Variants in ESRRG observed in about 807,000 individuals in gnomAD.
ESRRG encodes the protein estrogen related receptor gamma, also known as estrogen-related receptor gamma.
Under a neutral mutation model 44.0 loss-of-function variants are expected in ESRRG, and 13 were observed. The ratio of observed to expected loss-of-function variants is 0.30; its 90% CI spans 0.19 to 0.47. The LOEUF is 0.47. ESRRG is among the 20% of genes least tolerant of loss of function. The pLI, the probability that ESRRG is intolerant of heterozygous loss-of-function variation, is 1.00. For missense variants in ESRRG, 395 were observed against 580.6 expected, an observed-to-expected ratio of 0.68 and a Z score of 3.29; for synonymous variants, 215 against 214.6, an observed-to-expected ratio of 1.00 and a Z score of -0.02.
chr1:216,744,002 G>A (rs78672473), intron 2 of ESRRG, among the ~76,000 whole-genome samples: 2,051 of 152,194 alleles, frequency 0.013, 37 homozygotes, highest in African/African-American at 0.046. Context: ...CTCTGGACAC[G>A]GTGCCACATG....
intron 2 of ESRRG, among the ~76,000 whole-genome samples, chr1:216,760,620 A>G (rs2092717919): frequency 6.6e-6 from 1 of 151,972 alleles, no homozygotes; most frequent in Non-Finnish European, 1.5e-5. Context: ...AACATAAATT[A>G]AGTAATTTAA....
At chr1:216,528,927 A>G (rs6604629) in intron 5 of ESRRG, among the ~76,000 whole-genome samples, 56,907 of 151,896 alleles carry the variant, frequency 0.37, 10,996 homozygotes, top group African/African-American at 0.45. Flanking sequence ...TTGCAGCACC[A>G]AGGGAGTAAG....
At chr1:216,587,605 A>T (rs1029216998) in intron 3 of ESRRG, among the ~76,000 whole-genome samples, 4 of 152,232 alleles carry the variant, frequency 2.6e-5, no homozygotes, top group Non-Finnish European at 5.9e-5. Flanking sequence ...AATTGTTGTC[A>T]CAAGAGAAGA....
At chr1:217,073,197 C>CAAAAAAAAAAAA (rs34950214) in intron 1 of ESRRG, among the ~76,000 whole-genome samples, 3 of 75,986 alleles carry the variant, frequency 3.9e-5, no homozygotes, top group African/African-American at 1.6e-4. Flanking sequence ...CCTTTCTGGA[C>CAAAAAAAAAAAA]AAAAAAAAAA....
At chr1:216,625,103 G>A (rs1045523417) in intron 3 of ESRRG, among the ~76,000 whole-genome samples, 4 of 151,992 alleles carry the variant, frequency 2.6e-5, no homozygotes, top group Non-Finnish European at 4.4e-5. Flanking sequence ...CATCTTATAC[G>A]TGGGCCAATG....
intron 5 of ESRRG, among the ~76,000 whole-genome samples, chr1:216,538,867 G>T (rs12117030): frequency 0.2 from 30,150 of 151,950 alleles, 3,795 homozygotes; most frequent in Non-Finnish European, 0.27. Flanking sequence ...CTCAGGAAAT[G>T]ATTTTAGAAG....
chr1:216,944,756 C>T (rs1300714453), intron 1 of ESRRG, among the ~76,000 whole-genome samples: 1 of 152,108 alleles, frequency 6.6e-6, no homozygotes, highest in Non-Finnish European at 1.5e-5. Flanking sequence ...GTGGTAATGG[C>T]TTTTCCAAGT....
At chr1:216,838,332 TA>T (rs1480116561) in intron 2 of ESRRG, among the ~76,000 whole-genome samples, 1 of 152,202 alleles carries the variant, frequency 6.6e-6, no homozygotes, top group Non-Finnish European at 1.5e-5. Context: ...TTTCAGTCTA[TA>T]AAAGTGTTGT....
At chr1:216,576,889 T>C (rs2149744975) in intron 3 of ESRRG, among the ~76,000 whole-genome samples, 1 of 151,938 alleles carries the variant, frequency 6.6e-6, no homozygotes, top group South Asian at 2.1e-4. Context: ...CAAAGGTGAA[T>C]GGAAATAAAT....
intron 1 of ESRRG, among the ~76,000 whole-genome samples, chr1:217,095,928 A>G (rs72743305): frequency 0.011 from 1,602 of 152,344 alleles, 19 homozygotes; most frequent in Non-Finnish European, 0.018. Flanking sequence ...GAAGACATTT[A>G]TGGCTGAAGA....
chr1:217,131,501 G>T (rs1274182298), intron 1 of ESRRG, among the ~76,000 whole-genome samples: 1 of 152,164 alleles, frequency 6.6e-6, no homozygotes, highest in East Asian at 1.9e-4. Context: ...AAACATATCT[G>T]GTTCATGTGC....
chr1:216,921,043 T>C (rs189705414), intron 2 of ESRRG, among the ~76,000 whole-genome samples: 6 of 152,328 alleles, frequency 3.9e-5, no homozygotes, highest in Non-Finnish European at 8.8e-5. Flanking sequence ...CTGTCTCATT[T>C]GGAAACTAAA....
chr1:216,735,481 T>C lies in ESRRG; in HGVS notation c.-13-57990A>G, dbSNP rs947751294. Reference sequence around the variant, plus strand: ...CCTCAGCCTCCCAAATTGCTGGGATTACAGGCGTGAGCCACCACACCTGGC... The same window carrying C: ...CCTCAGCCTCCCAAATTGCTGGGATCACAGGCGTGAGCCACCACACCTGGC... On this transcript the variant is annotated intron_variant, in intron 2 of 7. Transcript: ENST00000359162. 2.0e-5 allele frequency among the ~76,000 whole-genome samples: 3 copies of C among 152,280 alleles called. No homozygotes were observed. In the South Asian group the frequency reaches 6.2e-4, roughly 32 times the overall value.
At chr1:217,058,154 T>A (rs2087545255) in intron 1 of ESRRG, among the ~76,000 whole-genome samples, 2 of 152,188 alleles carry the variant, frequency 1.3e-5, no homozygotes, top group Admixed American at 1.3e-4. Flanking sequence ...CATATTCTAG[T>A]AAACTCTCTG....
intron 3 of ESRRG, among the ~76,000 whole-genome samples, chr1:216,631,998 C>A (rs1396754357): frequency 1.3e-5 from 2 of 152,086 alleles, no homozygotes; most frequent in African/African-American, 4.8e-5. Flanking sequence ...TACAGGAGGT[C>A]CCGAAGGCTT....
intron 3 of ESRRG, among the ~76,000 whole-genome samples, chr1:216,608,135 CA>C (rs2060173193): frequency 6.6e-6 from 1 of 152,170 alleles, no homozygotes; most frequent in African/African-American, 2.4e-5. Flanking sequence ...GAGACACAGA[CA>C]AATCTTTGAC....
At chr1:217,117,593 A>G (rs2092747846) in intron 1 of ESRRG, among the ~76,000 whole-genome samples, 1 of 152,168 alleles carries the variant, frequency 6.6e-6, no homozygotes, top group Non-Finnish European at 1.5e-5. Flanking sequence ...TCCAAAAATA[A>G]ATAAATAAAT....
chr1:217,100,183 T>C (rs984303347), intron 1 of ESRRG, among the ~76,000 whole-genome samples: 1 of 152,212 alleles, frequency 6.6e-6, no homozygotes, highest in African/African-American at 2.4e-5. Context: ...CCTTCATAGA[T>C]GGTTTAGGAC....
At position 216,819,274 on chromosome 1, in the gene ESRRG, C is replaced by T. The variant is rs115305402; in HGVS notation, c.-14+120308G>A. ...ATCTGTTGTTCTTTCGGTTTGTTTGCATATGCTTATTTCTTTCATTAATGA... is the reference window on the plus strand; with the variant it reads ...ATCTGTTGTTCTTTCGGTTTGTTTGTATATGCTTATTTCTTTCATTAATGA... On this transcript the variant is annotated intron_variant, in intron 2 of 7. Coordinates refer to the ESRRG transcript ENST00000359162. Among the ~76,000 whole-genome samples the T allele has an allele frequency of 4.5e-3, 686 of 152,274 alleles. 5 individuals carry two copies. Among genetic ancestry groups the T allele is most frequent in the African/African-American group, 0.016 (650 of 41,558 alleles).
Sources: gnomAD v4.1 joint callset for allele counts (sites outside exome capture counted in the v4.1 genomes callset) on GRCh38, gnomAD v4.1.1 for gene constraint, MANE v1.5 for transcripts, NCBI Gene and HGNC (gene_info 2026-07-23, HGNC 2026-07-21) for gene names.